ANKRD29: variants seen among roughly 807,000 people sequenced by gnomAD.
ANKRD29 encodes the protein ankyrin repeat domain-containing protein 29.
A neutral mutation model predicts 38.0 loss-of-function variants in ANKRD29; 32 were observed. The ratio of observed to expected loss-of-function variants is 0.84; its 90% CI spans 0.64 to 1.13. ANKRD29 has a LOEUF of 1.13. ANKRD29 is among the 50% of genes most tolerant of loss of function. ANKRD29 has a pLI of 0.00. For synonymous variants in ANKRD29, 135 were observed against 152.4 expected (o/e 0.89, Z 0.84); for missense variants, 357 against 377.9 (o/e 0.94, Z 0.46).
intron 6 of ANKRD29, among the ~76,000 whole-genome samples, 180 bp downstream of exon 6, chr18:23,629,673 A>G (rs912545319): frequency 6.6e-6 from 1 of 152,240 alleles, no homozygotes; most frequent in South Asian, 2.1e-4. Flanking sequence ...CTTTCAGGCC[A>G]GCTCAGAGCA....
At chr18:23,616,034 G>A (rs61389051) in intron 8 of ANKRD29, among the ~76,000 whole-genome samples, 1,870 of 144,708 alleles carry the variant, frequency 0.013, 1 homozygote, top group African/African-American at 0.047. Context: ...TACACATACC[G>A]TATGTATGTA....
intron 9 of ANKRD29, among the ~76,000 whole-genome samples, chr18:23,610,660 A>G (rs1318677353): frequency 2.0e-5 from 3 of 152,156 alleles, no homozygotes; most frequent in South Asian, 4.1e-4. Flanking sequence ...ATTTAAATAA[A>G]TAATAAATAA....
chr18:23,628,409 A>G (rs1209984521), intron 6 of ANKRD29, among the ~76,000 whole-genome samples: 1 of 152,190 alleles, frequency 6.6e-6, no homozygotes, highest in Non-Finnish European at 1.5e-5. Context: ...TCATTATGTG[A>G]ACACAGAGAG....
intron 3 of ANKRD29, among the ~76,000 whole-genome samples, chr18:23,644,755 G>A (rs889707715): frequency 6.6e-6 from 1 of 152,206 alleles, no homozygotes; most frequent in African/African-American, 2.4e-5. Context: ...GCATTGCCTA[G>A]GCTGGTAGTA....
chr18:23,615,065 TG>T (rs2059693869), intron 8 of ANKRD29, among the ~76,000 whole-genome samples: 3 of 152,232 alleles, frequency 2.0e-5, no homozygotes, highest in African/African-American at 7.2e-5. Flanking sequence ...TCCGTTGCCC[TG>T]GCAGAAGTGC....
At chr18:23,637,859 T>C (rs2060022245) in intron 4 of ANKRD29, among the ~76,000 whole-genome samples, 1 of 152,178 alleles carries the variant, frequency 6.6e-6, no homozygotes, top group Admixed American at 6.5e-5. Context: ...AGCTGACAAT[T>C]ACAAAAATCT....
At chr18:23,630,862 G>A (rs1194965224) in intron 5 of ANKRD29, among the ~76,000 whole-genome samples, 1 of 148,800 alleles carries the variant, frequency 6.7e-6, no homozygotes, top group Non-Finnish European at 1.5e-5. Flanking sequence ...GCTACTTGGG[G>A]GCACTGAGGC....
At chr18:23,624,707 C>T (rs2059840902) in intron 6 of ANKRD29, among the ~76,000 whole-genome samples, 1 of 152,048 alleles carries the variant, frequency 6.6e-6, no homozygotes, top group African/African-American at 2.4e-5. Flanking sequence ...ACCAAAGAAA[C>T]TGATCAGAGA....
In ANKRD29 at chr18:23,602,564, AC is replaced by A. The variant is rs1404482082; in HGVS notation, c.823-1256del. The stretch of plus-strand genomic sequence containing the variant: ...GGCTCTCAAACCTGTTGGTTTCAGG[AC>A]CCTTTATACTCTCAAAAATTACTGA... On this transcript the variant is annotated intron_variant, in intron 9 of 9. Transcript: ENST00000592179. Among the ~76,000 whole-genome samples, 5 of 152,062 alleles carry A rather than the reference AC, an allele frequency of 3.3e-5. No homozygotes were observed. The East Asian group carries it at 7.7e-4, about 23-fold the overall frequency.
intron 1 of ANKRD29, among the ~76,000 whole-genome samples, chr18:23,655,314 A>T (rs2060265087): frequency 2.0e-5 from 3 of 152,194 alleles, no homozygotes; most frequent in Admixed American, 1.3e-4. Flanking sequence ...ATTAACCAGC[A>T]TTAATATTAA....
chr18:23,601,706 G>A (rs938775279), intron 9 of ANKRD29, among the ~76,000 whole-genome samples: 1 of 152,074 alleles, frequency 6.6e-6, no homozygotes, highest in Admixed American at 6.6e-5. Flanking sequence ...GTCTTGCTCT[G>A]TCACCCAGGC....
At chr18:23,651,554 A>G (rs1276181232) in intron 1 of ANKRD29, among the ~76,000 whole-genome samples, 3 of 152,252 alleles carry the variant, frequency 2.0e-5, no homozygotes, top group Non-Finnish European at 2.9e-5. Flanking sequence ...ACCAGGGAAC[A>G]GCTCTGCTAG....
chr18:23,633,836 TG>T (rs1412902476), intron 5 of ANKRD29, among the ~76,000 whole-genome samples: 3 of 152,106 alleles, frequency 2.0e-5, no homozygotes, highest in African/African-American at 7.2e-5. Flanking sequence ...CCCAAAGTGC[TG>T]GGATTAGAGG....
chr18:23,629,751 C>T (rs2059905539), intron 6 of ANKRD29, 102 bp downstream of exon 6: 1 of 886,892 alleles, frequency 1.1e-6, no homozygotes, highest in Admixed American at 2.1e-5. Context: ...TAAAGGATGC[C>T]TTGAGCTTAC....
chr18:23,615,297 T>G (rs923526615), intron 8 of ANKRD29, among the ~76,000 whole-genome samples: 3 of 151,852 alleles, frequency 2.0e-5, no homozygotes, highest in Admixed American at 6.6e-5. Flanking sequence ...GATAAATCAC[T>G]GCACTCAGAC....
intron 2 of ANKRD29, chr18:23,647,704 G>C (rs2060158021): frequency 6.6e-6 from 1 of 152,204 alleles, no homozygotes; most frequent in African/African-American, 2.4e-5. Context: ...ATTTTTAGTA[G>C]AGGCGGGTTT....
chr18:23,658,355 T>A (rs1210983730), intron 1 of ANKRD29, among the ~76,000 whole-genome samples: 2 of 152,108 alleles, frequency 1.3e-5, no homozygotes, highest in Non-Finnish European at 2.9e-5. Flanking sequence ...CTGTAGTGAA[T>A]CGTGATTGTG....
At chr18:23,613,801 T>C (rs890262914) in intron 8 of ANKRD29, among the ~76,000 whole-genome samples, 1 of 152,216 alleles carries the variant, frequency 6.6e-6, no homozygotes, top group East Asian at 1.9e-4. Context: ...GGTTTCACCG[T>C]GTTAGCCAGG....
chr18:23,624,944 G>A (rs192075341), intron 6 of ANKRD29, among the ~76,000 whole-genome samples: 3 of 152,292 alleles, frequency 2.0e-5, no homozygotes, highest in African/African-American at 7.2e-5. Context: ...GTAGGCTCCT[G>A]AGAGTATTTG....
Sources: allele counts gnomAD v4.1 joint callset (sites outside exome capture counted in the v4.1 genomes callset), GRCh38; gene constraint gnomAD v4.1.1; transcripts MANE v1.5; gene names NCBI Gene and HGNC (gene_info 2026-07-23, HGNC 2026-07-21).